LUZP1: variants seen among roughly 807,000 people sequenced by gnomAD.
The protein encoded by LUZP1 is leucine zipper protein 1, also known as filamin mechanobinding actin cross-linking protein.
Under a neutral mutation model 71.3 loss-of-function variants are expected in LUZP1, and 25 were observed. The ratio of observed to expected loss-of-function variants is 0.35; its 90% CI spans 0.26 to 0.49. The LOEUF (loss-of-function observed/expected upper bound fraction) is 0.49. Ranked by LOEUF, LUZP1 falls within the 20% of genes least tolerant of loss-of-function variation. LUZP1 has a pLI of 0.99. For synonymous variants in LUZP1, 481 were observed against 506.4 expected (o/e 0.95, Z 0.67); for missense variants, 1,142 against 1,300.8 (o/e 0.88, Z 1.88).
At chr1:23,137,741 C>T (rs1266640803) in intron 2 of LUZP1, among the ~76,000 whole-genome samples, 2 of 152,102 alleles carry the variant, frequency 1.3e-5, no homozygotes, top group Admixed American at 1.3e-4. Flanking sequence ...AAACTGGAAC[C>T]CTCATAGATT....
intron 1 of LUZP1, among the ~76,000 whole-genome samples, chr1:23,170,234 CAT>C (rs1644542223): frequency 1.3e-5 from 2 of 152,306 alleles, no homozygotes; most frequent in African/African-American, 2.4e-5. Context: ...AGAACCCACA[CAT>C]GTTTGTGGAG....
At position 23,091,249 on chromosome 1, in the gene LUZP1, G is replaced by A. The variant is rs75606656; in HGVS notation, c.3013C>T (p.Arg1005Cys). Residue 1005 changes from arginine to cysteine, a missense_variant, in exon 4 of 5, where the codon CGT (arginine) becomes TGT (cysteine). Physicochemically the swap from Arg to Cys is radical, Grantham distance 180. Transcript: ENST00000302291. ...ATGGTGTCTCCTACCCGATTCCGAC[G>A]GGTAAGCACCTCTGACACAGTGAGG... 5.4e-5 allele frequency: 87 copies of A among 1,613,860 alleles called. No homozygotes were observed. The African/African-American group carries it at 8.3e-4, about 15-fold the overall frequency.
intron 2 of LUZP1, among the ~76,000 whole-genome samples, chr1:23,116,090 A>C (rs1199675232): frequency 6.6e-6 from 1 of 152,112 alleles, no homozygotes; most frequent in Admixed American, 6.5e-5. Flanking sequence ...CTCTCCAAAA[A>C]TAAAACCAGG....
intron 3 of LUZP1, among the ~76,000 whole-genome samples, chr1:23,105,758 A>G (rs2124630372): frequency 6.6e-6 from 1 of 152,320 alleles, no homozygotes; most frequent in East Asian, 1.9e-4. Flanking sequence ...TGATGTTCAA[A>G]AACAAAATAT....
chr1:23,157,201 G>A (rs1444049545), intron 2 of LUZP1, among the ~76,000 whole-genome samples: 1 of 152,168 alleles, frequency 6.6e-6, no homozygotes, highest in African/African-American at 2.4e-5. Context: ...ATGTGGTAGT[G>A]CGTGCCTATA....
chr1:23,093,487 C>G lies in LUZP1; in HGVS notation c.775G>C (p.Gly259Arg). ...ACCTGCTTTAGGTAGTCCAGACCAC[C>G]CTTCCTTCTTGATTCTTTGGACGGC... Residue 259 changes from glycine (G) to arginine (R), a missense_variant, in exon 4 of 5, where the codon GGT becomes CGT. Physicochemically the swap from Gly to Arg is moderately radical, Grantham distance 125. Transcript: ENST00000302291. This position sits in a 1 kb window ranked among gnomAD's most constrained non-coding sequence, Gnocchi z 4.2. 2.5e-6 allele frequency: 4 copies of G among 1,612,514 alleles called. No individual in the cohort carries two copies. Among genetic ancestry groups the G allele is most frequent in the Non-Finnish European group, 3.4e-6 (4 of 1,179,682 alleles).
intron 2 of LUZP1, among the ~76,000 whole-genome samples, chr1:23,151,864 T>C (rs1644387361): frequency 1.3e-5 from 2 of 152,110 alleles, no homozygotes; most frequent in Middle Eastern, 3.4e-3. Context: ...TAGCTGGGCA[T>C]GGTAGCACAT....
intron 1 of LUZP1, among the ~76,000 whole-genome samples, chr1:23,170,840 G>A (rs990533310): frequency 5.3e-5 from 8 of 151,808 alleles, no homozygotes; most frequent in African/African-American, 1.9e-4. Flanking sequence ...CACCACTTTG[G>A]GAGGATCACT....
chr1:23,139,233 A>G (rs1278240966), intron 2 of LUZP1, among the ~76,000 whole-genome samples: 2 of 151,508 alleles, frequency 1.3e-5, no homozygotes, highest in South Asian at 4.2e-4. Context: ...CAAGGTCTCA[A>G]TTCAGTATCT....
At position 23,117,477 on chromosome 1, in the gene LUZP1, C is replaced by CTCTCTCTCTCTCTCT. The variant is rs34248788; in HGVS notation, c.-225-8351_-225-8350insAGAGAGAGAGAGAGA. 2.5e-3 allele frequency among the ~76,000 whole-genome samples: 34 copies of CTCTCTCTCTCTCTCT among 13,830 alleles called. 1 individual carries two copies. The highest frequency in any genetic ancestry group is 5.2e-3 in the African/African-American group (18 of 3,460). The allele number at this position is 13,830 out of a possible 152,430, so 9.1% of individuals were successfully genotyped here. On this transcript the variant is annotated intron_variant, in intron 2 of 4. Coordinates refer to ENST00000302291, the Ensembl canonical transcript of LUZP1. The stretch of plus-strand genomic sequence containing the variant: ...TTCCTCTCTCTCTCTCTCTCTCTCT[C>CTCTCTCTCTCTCTCT]CCCCCCCCCCCCCCACAATCAGGAA...
chr1:23,177,076 G>T (rs200426676), intron 1 of LUZP1, among the ~76,000 whole-genome samples: 13 of 100,934 alleles, frequency 1.3e-4, no homozygotes, highest in African/African-American at 4.4e-4. Context: ...AGGATGATGG[G>T]GGGGGGGTCT....
intron 4 of LUZP1, 118 bp from the exon 4 acceptor site, chr1:23,089,171 C>T (rs1371671535): frequency 9.8e-6 from 9 of 917,366 alleles, no homozygotes; most frequent in Admixed American, 2.2e-5. Context: ...ATAGCCCAGA[C>T]AGGCCATAAG....
chr1:23,137,511 G>A (rs1172131263), intron 2 of LUZP1, among the ~76,000 whole-genome samples: 1 of 152,070 alleles, frequency 6.6e-6, no homozygotes, highest in East Asian at 1.9e-4. Flanking sequence ...TGTGGTGGTA[G>A]GCACCTGTAA....
At chr1:23,116,845 T>C (rs1389983945) in intron 2 of LUZP1, among the ~76,000 whole-genome samples, 3 of 152,208 alleles carry the variant, frequency 2.0e-5, no homozygotes, top group Non-Finnish European at 4.4e-5. Context: ...ACTTCCCTTG[T>C]ACTGACTGTT....
intron 2 of LUZP1, among the ~76,000 whole-genome samples, chr1:23,166,241 G>C (rs1644509005): frequency 6.6e-6 from 1 of 152,268 alleles, no homozygotes; most frequent in South Asian, 2.1e-4. Flanking sequence ...AAAGTAGAGA[G>C]ACAACCACAG....
intron 2 of LUZP1, among the ~76,000 whole-genome samples, chr1:23,126,394 G>A (rs1361859976): frequency 6.6e-6 from 1 of 152,180 alleles, no homozygotes; most frequent in Non-Finnish European, 1.5e-5. Flanking sequence ...AAGGCAGGAG[G>A]ATCAGCTGAG....
intron 2 of LUZP1, among the ~76,000 whole-genome samples, chr1:23,139,402 A>G (rs1165297996): frequency 6.6e-6 from 1 of 151,714 alleles, no homozygotes; most frequent in East Asian, 1.9e-4. Flanking sequence ...TGACCCTTGA[A>G]CAACATGGGT....
intron 2 of LUZP1, among the ~76,000 whole-genome samples, chr1:23,116,945 G>A (rs971047310): frequency 6.6e-6 from 1 of 152,166 alleles, no homozygotes; most frequent in African/African-American, 2.4e-5. Flanking sequence ...TAAAATGGAA[G>A]ATTAAAATGC....
At position 23,169,971 on chromosome 1, in the gene LUZP1, T is replaced by TACACAC. The variant is rs35087847; in HGVS notation, c.-484-953_-484-948dup. ...GCCTGGTATGATCACTTCCTACCTTTACACACACACACACACACACACACA... is the reference window on the plus strand; with the variant it reads ...GCCTGGTATGATCACTTCCTACCTTTACACACACACACACACACACACACACACACA... On this transcript the variant is annotated intron_variant, in intron 1 of 4. Coordinates refer to ENST00000302291, the Ensembl canonical transcript of LUZP1. Among the ~76,000 whole-genome samples the TACACAC allele has an allele frequency of 9.3e-3, 1,383 of 149,294 alleles. 6 individuals carry two copies. Among genetic ancestry groups the TACACAC allele is most frequent in the South Asian group, 0.023 (109 of 4,680 alleles).
Sources: gnomAD v4.1 joint callset for allele counts (sites outside exome capture counted in the v4.1 genomes callset) on GRCh38, gnomAD v4.1.1 for gene constraint, Gnocchi (gnomAD v3.1) non-coding constraint, MANE v1.5 for transcripts, NCBI Gene and HGNC (gene_info 2026-07-23, HGNC 2026-07-21) for gene names.